The following SPSB4 variants were observed in gnomAD, a reference collection of about 807,000 sequenced individuals.
SPSB4 encodes SPRY domain-containing SOCS box protein 4.
SPSB4 carries 21 observed loss-of-function variants against 20.9 expected under a neutral mutation model. The observed-to-expected ratio is 1.01, with a 90% CI of 0.71 to 1.45. The LOEUF (loss-of-function observed/expected upper bound fraction) is 1.45, where lower values mean the gene tolerates loss of function less well. Among genes scored for constraint, SPSB4 ranks in the 40% most tolerant of loss-of-function variants. The probability of loss-of-function intolerance (pLI) is 0.00; values close to 1 mark genes in which losing one functional copy is unlikely to be tolerated. For synonymous variants in SPSB4, 207 were observed against 183.8 expected (o/e 1.13, Z -1.02); for missense variants, 399 against 399.2 (o/e 1.00, Z 0.00).
At chr3:141,147,059 G>A in intron 2 of SPSB4, 83 bp from the exon 3 acceptor site, 1 of 1,575,758 alleles carries the variant, frequency 6.3e-7, no homozygotes, top group Non-Finnish European at 8.7e-7. Context: ...GGAGCAGGCA[G>A]GAGGCGGTAT....
At position 141,070,973 on chromosome 3, in the gene SPSB4, C is replaced by T. The variant is rs549608296; in HGVS notation, c.694+4175C>T. ...CCTTGCCTTCAGCAGTGAGTCTGGG[C>T]GAGTCTCTGAGATGCTGTCCCTGTC... On this transcript the variant is annotated intron_variant, in intron 2 of 2. Coordinates refer to ENST00000310546, the MANE Select transcript of SPSB4 (RefSeq NM_080862.3). 2.0e-4 allele frequency among the ~76,000 whole-genome samples: 31 copies of T among 152,304 alleles called. No homozygotes were observed. The East Asian group carries it at 5.6e-3, about 27-fold the overall frequency.
intron 2 of SPSB4, among the ~76,000 whole-genome samples, chr3:141,106,159 G>C (rs1422500427): frequency 1.3e-5 from 2 of 152,178 alleles, no homozygotes; most frequent in Non-Finnish European, 2.9e-5. Context: ...TGCAGCTCCT[G>C]TGTGGGCTGG....
intron 2 of SPSB4, 26 bp from the exon 3 acceptor site, chr3:141,147,116 C>T (rs1460202635): frequency 6.2e-7 from 1 of 1,613,148 alleles, no homozygotes; most frequent in Admixed American, 1.7e-5. Flanking sequence ...ACAGGGCACA[C>T]TCTAACTGCT....
At chr3:141,082,209 C>T (rs1044355036) in intron 2 of SPSB4, among the ~76,000 whole-genome samples, 11 of 152,196 alleles carry the variant, frequency 7.2e-5, no homozygotes, top group African/African-American at 2.4e-4. Context: ...TGAGCCCCAC[C>T]ACATGAAAAC....
In SPSB4 at chr3:141,066,225, T is replaced by C. The variant is rs781587924; in HGVS notation, c.121T>C (p.Leu41=). The change falls in exon 2 of 3, where the codon TTG becomes CTG. Residue 41 remains leucine, a synonymous_variant. Coordinates refer to ENST00000310546, the MANE Select transcript of SPSB4 (RefSeq NM_080862.3). The part of the protein sequence containing the change: ...PGRPARLDQL[L]DMPAAGLAVQ... The stretch of plus-strand genomic sequence containing the variant: ...GCGGCCGGCGCGGCTGGACCAGCTG[T>C]TGGACATGCCAGCGGCGGGGCTGGC... 14 of 1,554,830 alleles carry C rather than the reference T, an allele frequency of 9.0e-6. No individual in the cohort carries two copies. The highest frequency in any genetic ancestry group is 1.7e-4 in the Middle Eastern group (1 of 5,902).
At chr3:141,105,615 C>T (rs187747152) in intron 2 of SPSB4, among the ~76,000 whole-genome samples, 30 of 152,186 alleles carry the variant, frequency 2.0e-4, no homozygotes, top group Non-Finnish European at 4.0e-4. Context: ...AGTGACTTGC[C>T]GAAGACATAC....
intron 2 of SPSB4, among the ~76,000 whole-genome samples, chr3:141,089,946 G>A (rs1235840791): frequency 6.6e-6 from 1 of 152,096 alleles, no homozygotes; most frequent in African/African-American, 2.4e-5. Context: ...AGTGGGGTGG[G>A]GAGATCTAGG....
At position 141,055,676 on chromosome 3, in the gene SPSB4, C is replaced by T. The variant is rs548272088; in HGVS notation, c.-154+3684C>T. ...GGGTTGAGTGGTGGGGACCAAGAGA[C>T]GGGATCCATGGCAGGAACAGTGACA... On this transcript the variant is annotated intron_variant, in intron 1 of 2. Transcript: ENST00000310546. Among the ~76,000 whole-genome samples, 294 of 152,192 alleles carry T rather than the reference C, an allele frequency of 1.9e-3. 1 individual carries two copies. The highest frequency in any genetic ancestry group is 6.9e-3 in the African/African-American group (286 of 41,532).
intron 2 of SPSB4, among the ~76,000 whole-genome samples, chr3:141,129,068 G>A (rs1252871922): frequency 6.6e-6 from 1 of 152,186 alleles, no homozygotes; most frequent in Non-Finnish European, 1.5e-5. Context: ...AGCCTGGGAG[G>A]GTGAGGAGTC....
rs868129042 is a variant in SPSB4, at chr3:141,106,307, C to T, written c.694+39509C>T. On this transcript the variant is annotated intron_variant, in intron 2 of 2. Coordinates refer to ENST00000310546, the MANE Select transcript of SPSB4 (RefSeq NM_080862.3). ...TAGTGTGGGGCAAGGCTTTCTGGAG[C>T]CCTCGGGCCACTCCATGAAGGCAGC... Among the ~76,000 whole-genome samples, 7 of 152,248 alleles carry T rather than the reference C, an allele frequency of 4.6e-5. No homozygotes were observed. In the South Asian group the frequency reaches 1.5e-3, roughly 32 times the overall value.
chr3:141,116,360 C>T (rs1042424406), intron 2 of SPSB4, among the ~76,000 whole-genome samples: 7 of 152,220 alleles, frequency 4.6e-5, no homozygotes, highest in Non-Finnish European at 7.3e-5. Context: ...TAGGCAGGGT[C>T]CCTCACTCTG....
At chr3:141,057,001 G>A (rs965160212) in intron 1 of SPSB4, among the ~76,000 whole-genome samples, 3 of 152,352 alleles carry the variant, frequency 2.0e-5, no homozygotes, top group South Asian at 2.1e-4. Flanking sequence ...GCTCAGTCAC[G>A]CGTGGGAGGA....
At chr3:141,134,035 CTTTTTTTTTTTTTCTTTTTTCT>C (rs1939182661) in intron 2 of SPSB4, among the ~76,000 whole-genome samples, 1 of 46,764 alleles carries the variant, frequency 2.1e-5, no homozygotes, top group African/African-American at 9.9e-5. Flanking sequence ...TTTTTCTTTT[CTTTTTTTTTTTTTCTTTTTTCT>C]TTTTTTTTTT....
chr3:141,108,499 A>G (rs1576533753), intron 2 of SPSB4, among the ~76,000 whole-genome samples: 1 of 152,344 alleles, frequency 6.6e-6, no homozygotes, highest in East Asian at 1.9e-4. Context: ...TGGATAGACC[A>G]CCAGGGAGCC....
At chr3:141,141,888 A>G (rs1348944073) in intron 2 of SPSB4, among the ~76,000 whole-genome samples, 1 of 152,146 alleles carries the variant, frequency 6.6e-6, no homozygotes, top group African/African-American at 2.4e-5. Context: ...TATCAGTTGT[A>G]ATATCTCCTG....
intron 2 of SPSB4, among the ~76,000 whole-genome samples, chr3:141,086,540 G>A (rs901648458): frequency 2.0e-5 from 3 of 152,214 alleles, no homozygotes; most frequent in South Asian, 4.1e-4. Flanking sequence ...CAGTGTGGAC[G>A]TGTAAGTGGT....
chr3:141,147,100 G>A, intron 2 of SPSB4, 42 bp from the exon 3 acceptor site: 5 of 1,609,076 alleles, frequency 3.1e-6, no homozygotes, highest in South Asian at 2.2e-5. Flanking sequence ...AAGGTGCCAG[G>A]ATGGCACAGG....
chr3:141,074,643 T>A (rs1289356974), intron 2 of SPSB4, among the ~76,000 whole-genome samples: 1 of 152,190 alleles, frequency 6.6e-6, no homozygotes, highest in African/African-American at 2.4e-5. Flanking sequence ...CAAGTGTTTC[T>A]CTAAAAGGCC....
chr3:141,116,498 A>G (rs1938881708), intron 2 of SPSB4, among the ~76,000 whole-genome samples: 1 of 152,194 alleles, frequency 6.6e-6, no homozygotes, highest in African/African-American at 2.4e-5. Context: ...AGTGACCATC[A>G]TCCCACTTCT....
Sources: gnomAD v4.1 joint callset for allele counts (sites outside exome capture counted in the v4.1 genomes callset) on GRCh38, gnomAD v4.1.1 for gene constraint, MANE v1.5 for transcripts, NCBI Gene and HGNC (gene_info 2026-07-23, HGNC 2026-07-21) for gene names.